ATP6V0A4: variants seen among roughly 807,000 people sequenced by gnomAD.
The protein encoded by ATP6V0A4 is ATPase H+ transporting V0 subunit a4.
In ATP6V0A4, 86 loss-of-function variants were observed where a neutral mutation model predicts 107.3. That is an observed-to-expected ratio of 0.80 (90% CI 0.67 to 0.96). The LOEUF is 0.96. Among genes scored for constraint, ATP6V0A4 ranks in the 40% least tolerant of loss-of-function variants. The pLI is 0.00. For synonymous variants in ATP6V0A4, 353 were observed against 381.4 expected (o/e 0.93, Z 0.87); for missense variants, 908 against 1,045.6 (o/e 0.87, Z 1.81).
At position 138,706,577 on chromosome 7, in the gene ATP6V0A4, C is replaced by T. The variant is rs772009991; in HGVS notation, c.*47G>A. ...GGCTGATATCAAAGACAAGACTGAACTTCCTTCATTGGCATGGTGACCACC... is the reference window on the plus strand; with the variant it reads ...GGCTGATATCAAAGACAAGACTGAATTTCCTTCATTGGCATGGTGACCACC... On this transcript the variant is annotated 3_prime_UTR_variant, in exon 22 of 22. Transcript: ENST00000310018. 1 of 1,608,314 alleles carries T rather than the reference C, an allele frequency of 6.2e-7. No homozygotes were observed. The highest frequency in any genetic ancestry group is 2.2e-5 in the East Asian group (1 of 44,790).
chr7:138,725,307 A>G (rs1804650601), intron 18 of ATP6V0A4, among the ~76,000 whole-genome samples: 1 of 152,178 alleles, frequency 6.6e-6, no homozygotes, highest in Non-Finnish European at 1.5e-5. Context: ...CCCATGTGCC[A>G]AAAGATATAT....
At position 138,745,275 on chromosome 7, in the gene ATP6V0A4, C is replaced by A. The variant is rs1361139533; in HGVS notation, c.1326G>T (p.Trp442Cys). ...LLSQKTDNEI[W>C]NTFFHGRYLI... is the part of the protein sequence containing the mutation. ...GATAGCGCCCGTGGAAGAAGGTGTT[C>A]CAAATCTGGCCTCAGAGAGACAGAG... The change falls in exon 14 of 22, where the codon TGG becomes TGT. Residue 442 changes from tryptophan (W) to cysteine (C), a missense_variant. Coordinates refer to ENST00000310018, the MANE Select transcript of ATP6V0A4 (RefSeq NM_020632.3). The A allele has an allele frequency of 2.5e-6, 4 of 1,614,004 alleles. No homozygotes were observed. Among genetic ancestry groups the A allele is most frequent in the Non-Finnish European group, 3.4e-6 (4 of 1,179,992 alleles).
intron 7 of ATP6V0A4, among the ~76,000 whole-genome samples, chr7:138,761,840 T>G (rs1179333864): frequency 1.3e-5 from 2 of 152,184 alleles, no homozygotes; most frequent in East Asian, 3.9e-4. Flanking sequence ...CGACCATGCC[T>G]GACTAATTTT....
At chr7:138,707,299 T>C (rs1803475967) in intron 21 of ATP6V0A4, among the ~76,000 whole-genome samples, 1 of 90,742 alleles carries the variant, frequency 1.1e-5, no homozygotes, top group Admixed American at 2.0e-4. Context: ...ATATTATAAA[T>C]ATATTTATAT....
chr7:138,760,312 G>A (rs1008486777), intron 7 of ATP6V0A4, among the ~76,000 whole-genome samples: 5 of 151,900 alleles, frequency 3.3e-5, no homozygotes, highest in East Asian at 1.9e-4. Flanking sequence ...ACCTGGTGGC[G>A]TGCACCTATA....
chr7:138,779,851 A>G (rs956858072), intron 2 of ATP6V0A4, among the ~76,000 whole-genome samples: 2 of 152,240 alleles, frequency 1.3e-5, no homozygotes, highest in Admixed American at 6.5e-5. Flanking sequence ...TAATATGAGT[A>G]TATATATGCA....
At chr7:138,745,500 C>T (rs1805869285) in intron 13 of ATP6V0A4, among the ~76,000 whole-genome samples, 1 of 151,650 alleles carries the variant, frequency 6.6e-6, no homozygotes, top group East Asian at 1.9e-4. Context: ...TATTTGTTAT[C>T]ATGAAACAAA....
Position 138,746,905 on chromosome 7 carries a change from G to T in ATP6V0A4, c.1320+520C>A, listed in dbSNP as rs1414040075. On this transcript the variant is annotated intron_variant, in intron 13 of 21. Coordinates refer to ENST00000310018, the MANE Select transcript of ATP6V0A4 (RefSeq NM_020632.3). ...TAAGAGTGGGGAAACGATGTTCAGG[G>T]TTTCTCAGTGTTCAGAAGAACACGG... 2.0e-5 allele frequency among the ~76,000 whole-genome samples: 3 copies of T among 152,150 alleles called. No individual in the cohort carries two copies. In the East Asian group the frequency reaches 5.8e-4, roughly 29 times the overall value.
chr7:138,759,604 G>A lies in ATP6V0A4; in HGVS notation c.639+148C>T, dbSNP rs552145053. On this transcript the variant is annotated intron_variant, in intron 8 of 21. Coordinates refer to ENST00000310018, the MANE Select transcript of ATP6V0A4 (RefSeq NM_020632.3). Reference sequence around the variant, plus strand: ...ATATATATTTTTAAAAAGGAACAAAGTAAAAGGGAAGGAAAAAAAGGAGAA... The same window carrying A: ...ATATATATTTTTAAAAAGGAACAAAATAAAAGGGAAGGAAAAAAAGGAGAA... The A allele has an allele frequency of 8.7e-5, 78 of 893,406 alleles. 1 individual carries two copies. The South Asian group carries it at 1.2e-3, about 13-fold the overall frequency. The allele number at this position is 893,406 out of a possible 1,614,324, so 55.3% of individuals were successfully genotyped here. A position where few individuals can be genotyped will look rare whatever the true frequency, so the allele number is the denominator to read the frequency against.
chr7:138,792,823 C>T (rs1420199549), intron 1 of ATP6V0A4, among the ~76,000 whole-genome samples: 1 of 142,242 alleles, frequency 7.0e-6, no homozygotes, highest in Non-Finnish European at 1.5e-5. Flanking sequence ...CACTATGTTG[C>T]CCAGGCTGGT....
intron 2 of ATP6V0A4, among the ~76,000 whole-genome samples, chr7:138,774,329 A>G (rs553586054): frequency 1.7e-4 from 25 of 151,480 alleles, no homozygotes; most frequent in African/African-American, 5.6e-4. Context: ...CGGTAATTCC[A>G]GCACTTTGGG....
chr7:138,749,812 C>T (rs1381217228), intron 11 of ATP6V0A4, among the ~76,000 whole-genome samples: 2 of 152,176 alleles, frequency 1.3e-5, no homozygotes, highest in African/African-American at 2.4e-5. Context: ...TCAGCAGAGC[C>T]TCCATTCTCC....
intron 14 of ATP6V0A4, among the ~76,000 whole-genome samples, chr7:138,744,341 A>G (rs572507236): frequency 2.7e-5 from 4 of 149,294 alleles, no homozygotes; most frequent in South Asian, 2.1e-4. Flanking sequence ...GGATTCAAGC[A>G]GTTCTCGTGC....
chr7:138,756,095 TC>T (rs1334127679), intron 9 of ATP6V0A4: 9 of 516,398 alleles, frequency 1.7e-5, no homozygotes, highest in African/African-American at 3.8e-5. Context: ...TGTATTAATA[TC>T]CTCTGCACTG....
chr7:138,747,801 C>T, intron 12 of ATP6V0A4: 2 of 516,328 alleles, frequency 3.9e-6, no homozygotes, highest in South Asian at 4.3e-5. Flanking sequence ...GTCACCCAGG[C>T]TGGAGTGCAG....
chr7:138,718,329 G>T (rs1804210666), intron 19 of ATP6V0A4, among the ~76,000 whole-genome samples: 1 of 106,772 alleles, frequency 9.4e-6, no homozygotes, highest in East Asian at 3.2e-4. Context: ...TGCAGTTATG[G>T]ATGTCTGCGG....
At chr7:138,780,929 T>TA (rs1160448717) in intron 2 of ATP6V0A4, among the ~76,000 whole-genome samples, 4 of 151,502 alleles carry the variant, frequency 2.6e-5, no homozygotes, top group South Asian at 2.1e-4. Context: ...AAAAAAAAAT[T>TA]AAAAAAAAGA....
intron 7 of ATP6V0A4, 121 bp from the exon 8 acceptor site, chr7:138,759,999 G>A: frequency 6.4e-7 from 1 of 1,551,952 alleles, no homozygotes; most frequent in Non-Finnish European, 8.7e-7. Flanking sequence ...GAGCAGGAGG[G>A]ACCCCGACAC....
At chr7:138,746,020 C>CATAAT (rs1805932600) in intron 13 of ATP6V0A4, among the ~76,000 whole-genome samples, 1 of 120,748 alleles carries the variant, frequency 8.3e-6, no homozygotes, top group Non-Finnish European at 1.7e-5. Flanking sequence ...ATATTTATAA[C>CATAAT]ATAATATATA....
Sources: allele counts gnomAD v4.1 joint callset (sites outside exome capture counted in the v4.1 genomes callset), GRCh38; gene constraint gnomAD v4.1.1; transcripts MANE v1.5; gene names NCBI Gene and HGNC (gene_info 2026-07-23, HGNC 2026-07-21).